The following CBLB variants were observed in gnomAD, a reference collection of about 807,000 sequenced individuals.
CBLB encodes the protein Cbl proto-oncogene B, also known as E3 ubiquitin-protein ligase CBL-B.
A neutral mutation model predicts 104.9 loss-of-function variants in CBLB; 31 were observed. The ratio of observed to expected loss-of-function variants is 0.30; its 90% CI spans 0.22 to 0.40. CBLB has a LOEUF of 0.40. CBLB is among the 10% of genes least tolerant of loss of function. The probability of loss-of-function intolerance (pLI) is 1.00; values close to 1 mark genes in which losing one functional copy is unlikely to be tolerated. For missense variants in CBLB, 1,062 were observed against 1,214.6 expected (o/e 0.87, Z 1.87); for synonymous variants, 440 against 422.6 (o/e 1.04, Z -0.51).
chr3:105,751,318 T>G, intron 5 of CBLB, 144 bp downstream of exon 5: 1 of 717,544 alleles, frequency 1.4e-6, no homozygotes, highest in Middle Eastern at 3.8e-4. Flanking sequence ...CCAATAAAAT[T>G]ACAGACTAAT....
chr3:105,723,606 A>T (rs985072552), intron 9 of CBLB, among the ~76,000 whole-genome samples: 3 of 152,118 alleles, frequency 2.0e-5, no homozygotes, highest in Admixed American at 2.0e-4. Flanking sequence ...ATTGACAAAC[A>T]AATAGAAAAA....
intron 9 of CBLB, among the ~76,000 whole-genome samples, chr3:105,732,205 A>G (rs1251988566): frequency 6.6e-6 from 1 of 151,286 alleles, no homozygotes; most frequent in African/African-American, 2.4e-5. Context: ...CACTGAGTCA[A>G]TATCTCTATA....
At chr3:105,669,816 G>A (rs1216172609) in intron 18 of CBLB, among the ~76,000 whole-genome samples, 2 of 152,108 alleles carry the variant, frequency 1.3e-5, no homozygotes, top group East Asian at 3.9e-4. Context: ...TTTGATGGCT[G>A]TCAGTGCAGC....
chr3:105,759,651 G>A (rs1259846325), intron 4 of CBLB, among the ~76,000 whole-genome samples: 2 of 152,216 alleles, frequency 1.3e-5, no homozygotes, highest in African/African-American at 4.8e-5. Context: ...TCACAACAGT[G>A]CCCAGGCTTG....
At chr3:105,845,294 T>A (rs2090088599) in intron 3 of CBLB, among the ~76,000 whole-genome samples, 1 of 151,620 alleles carries the variant, frequency 6.6e-6, no homozygotes, top group African/African-American at 2.4e-5. Flanking sequence ...ATAATCTGAT[T>A]TAGAAGAAAT....
chr3:105,838,172 T>C (rs2088887522), intron 3 of CBLB, among the ~76,000 whole-genome samples: 1 of 138,894 alleles, frequency 7.2e-6, no homozygotes, highest in Non-Finnish European at 1.5e-5. Flanking sequence ...AGCCTCAACC[T>C]CCTTGGCTCA....
chr3:105,790,842 A>G (rs950096250), intron 3 of CBLB, among the ~76,000 whole-genome samples: 1 of 152,192 alleles, frequency 6.6e-6, no homozygotes, highest in African/African-American at 2.4e-5. Context: ...TTCAGGAAAG[A>G]GGCTGATAGG....
chr3:105,704,684 T>C (rs1219432591), intron 10 of CBLB, among the ~76,000 whole-genome samples: 1 of 152,150 alleles, frequency 6.6e-6, no homozygotes, highest in East Asian at 1.9e-4. Context: ...TAAAACAAAC[T>C]GATTTAAGCC....
chr3:105,771,434 T>C (rs558658024), intron 4 of CBLB, among the ~76,000 whole-genome samples: 13 of 152,216 alleles, frequency 8.5e-5, no homozygotes, highest in African/African-American at 2.9e-4. Flanking sequence ...TCATACTGAA[T>C]GGCAAAAAGT....
chr3:105,723,271 T>A (rs1257602497), intron 9 of CBLB, among the ~76,000 whole-genome samples: 1 of 152,198 alleles, frequency 6.6e-6, no homozygotes, highest in African/African-American at 2.4e-5. Context: ...GTATACTTAA[T>A]GCAAGATCAA....
intron 4 of CBLB, among the ~76,000 whole-genome samples, chr3:105,765,256 A>G (rs2078094859): frequency 6.6e-6 from 1 of 152,182 alleles, no homozygotes. Context: ...GATGGGTTCA[A>G]TCATACCCCA....
Position 105,658,329 on chromosome 3 carries a change from G to A in CBLB, c.*641C>T. 4.5e-6 allele frequency: 1 copy of A among 221,284 alleles called. No homozygotes were observed. The highest frequency in any genetic ancestry group is 9.1e-6 in the Non-Finnish European group (1 of 110,478). The allele number at this position is 221,284 out of a possible 1,614,324, so 13.7% of individuals were successfully genotyped here. On this transcript the variant is annotated 3_prime_UTR_variant, in exon 19 of 19. Transcript: ENST00000394030. ...ACAAATAAATGCTTTATACATTCAG[G>A]TTTTTCCCATCTCTCAATAGTGATG...
chr3:105,773,935 G>T (rs1354157175), intron 4 of CBLB, among the ~76,000 whole-genome samples: 4 of 152,172 alleles, frequency 2.6e-5, no homozygotes, highest in Non-Finnish European at 2.9e-5. Context: ...TTGGCTGCTG[G>T]GCTTGGGCCC....
intron 3 of CBLB, among the ~76,000 whole-genome samples, chr3:105,833,016 A>G (rs1418102627): frequency 6.6e-6 from 1 of 152,238 alleles, no homozygotes; most frequent in Non-Finnish European, 1.5e-5. Flanking sequence ...AATCAGGCAC[A>G]TGAAGCCTCA....
intron 3 of CBLB, among the ~76,000 whole-genome samples, chr3:105,808,498 T>C (rs979980058): frequency 7.2e-5 from 11 of 152,338 alleles, no homozygotes; most frequent in South Asian, 4.1e-4. Flanking sequence ...TGCTGTATAC[T>C]AAGCTGTCTT....
At chr3:105,680,048 TA>T (rs952782109) in intron 16 of CBLB, among the ~76,000 whole-genome samples, 5 of 151,770 alleles carry the variant, frequency 3.3e-5, no homozygotes, top group African/African-American at 7.3e-5. Flanking sequence ...GAAAGGAGCT[TA>T]AAAAAAAGCT....
intron 3 of CBLB, chr3:105,839,413 G>A (rs2089193778): frequency 6.6e-6 from 1 of 152,182 alleles, no homozygotes; most frequent in Non-Finnish European, 1.5e-5. Context: ...ATCAGTCATT[G>A]ACTACCTACC....
rs527272730 is a variant in CBLB at position 105,865,768 on chromosome 3, A to C, written c.168+1642T>G. Among the ~76,000 whole-genome samples the C allele has an allele frequency of 3.3e-5, 5 of 152,282 alleles. No homozygotes were observed. In the East Asian group the frequency reaches 9.6e-4, roughly 29 times the overall value. On this transcript the variant is annotated intron_variant, in intron 2 of 18. Transcript: ENST00000394030. The stretch of plus-strand genomic sequence containing the variant: ...AAATGTACAAACACTGACCACTCAA[A>C]GTTGGAGGGTGGGGGAAAAAGAACA...
At chr3:105,738,385 A>G (rs780876165) in intron 7 of CBLB, among the ~76,000 whole-genome samples, 2 of 152,132 alleles carry the variant, frequency 1.3e-5, no homozygotes, top group African/African-American at 4.8e-5. Flanking sequence ...TAGCAAAAGG[A>G]GTTTACTACA....
Sources: allele counts gnomAD v4.1 joint callset (sites outside exome capture counted in the v4.1 genomes callset), GRCh38; gene constraint gnomAD v4.1.1; transcripts MANE v1.5; gene names NCBI Gene and HGNC (gene_info 2026-07-23, HGNC 2026-07-21).